CRPPA: variants seen among roughly 807,000 people sequenced by gnomAD.
CRPPA encodes the protein CDP-L-ribitol pyrophosphorylase A.
Under a neutral mutation model 52.0 loss-of-function variants are expected in CRPPA, and 43 were observed. The ratio of observed to expected loss-of-function variants is 0.83; its 90% confidence interval spans 0.65 to 1.07. The LOEUF (loss-of-function observed/expected upper bound fraction) is 1.07, where lower values mean the gene tolerates loss of function less well. Ranked by LOEUF, CRPPA falls within the 50% of genes least tolerant of loss-of-function variation. The pLI, the probability that CRPPA is intolerant of heterozygous loss-of-function variation, is 0.00. For synonymous variants in CRPPA, 250 were observed against 203.5 expected (o/e 1.23, Z -1.94); for missense variants, 629 against 551.7 (o/e 1.14, Z -1.40).
At chr7:16,387,542 A>C (rs954873909) in intron 2 of CRPPA, among the ~76,000 whole-genome samples, 1 of 149,234 alleles carries the variant, frequency 6.7e-6, no homozygotes, top group African/African-American at 2.5e-5. Flanking sequence ...ATGGATCAAA[A>C]GGCAACAACT....
chr7:16,245,591 T>C (rs1056688377), intron 8 of CRPPA, among the ~76,000 whole-genome samples: 2 of 152,168 alleles, frequency 1.3e-5, no homozygotes, highest in African/African-American at 2.4e-5. Context: ...ATTCTAGACA[T>C]AATCTAGTGA....
At chr7:16,230,104 T>G (rs1327014032) in intron 8 of CRPPA, among the ~76,000 whole-genome samples, 2 of 152,172 alleles carry the variant, frequency 1.3e-5, no homozygotes, top group Non-Finnish European at 1.5e-5. Context: ...TATTATAATA[T>G]GTCTTGGAGA....
chr7:16,123,185 T>A (rs1782510851), intron 9 of CRPPA, among the ~76,000 whole-genome samples: 1 of 152,108 alleles, frequency 6.6e-6, no homozygotes, highest in Non-Finnish European at 1.5e-5. Flanking sequence ...TGCTATAGTT[T>A]AATATGCTTG....
At chr7:16,334,079 T>C (rs68046022) in intron 3 of CRPPA, among the ~76,000 whole-genome samples, 39,759 of 151,642 alleles carry the variant, frequency 0.26, 5,252 homozygotes, top group Non-Finnish European at 0.3. Context: ...AAAAATGGGG[T>C]TGAGGGCCAC....
intron 3 of CRPPA, among the ~76,000 whole-genome samples, chr7:16,328,672 G>A (rs974118049): frequency 3.9e-5 from 6 of 151,978 alleles, no homozygotes; most frequent in Non-Finnish European, 7.4e-5. Context: ...ATGCCACCAC[G>A]CCCGGTTAAT....
At chr7:16,214,928 G>C (rs17169354) in intron 9 of CRPPA, among the ~76,000 whole-genome samples, 1 of 152,130 alleles carries the variant, frequency 6.6e-6, no homozygotes, top group Non-Finnish European at 1.5e-5. Context: ...GCCTCCTACA[G>C]CATTAACATT....
intron 9 of CRPPA, among the ~76,000 whole-genome samples, chr7:16,102,684 G>A (rs1023364487): frequency 1.1e-4 from 17 of 152,116 alleles, no homozygotes; most frequent in African/African-American, 3.6e-4. Flanking sequence ...AGACATTTAC[G>A]TGACCAACAA....
At chr7:16,225,478 T>G (rs543824533) in intron 8 of CRPPA, among the ~76,000 whole-genome samples, 1 of 152,088 alleles carries the variant, frequency 6.6e-6, no homozygotes, top group Non-Finnish European at 1.5e-5. Flanking sequence ...AAGCATTGAT[T>G]TGTTTAGCTA....
intron 3 of CRPPA, among the ~76,000 whole-genome samples, chr7:16,354,927 C>A (rs905177593): frequency 6.6e-6 from 1 of 152,058 alleles, no homozygotes; most frequent in Non-Finnish European, 1.5e-5. Context: ...ATGAAAACCA[C>A]ACAAATAAAG....
chr7:16,119,691 A>G (rs919879381), intron 9 of CRPPA, among the ~76,000 whole-genome samples: 23 of 152,342 alleles, frequency 1.5e-4, no homozygotes, highest in African/African-American at 5.5e-4. Flanking sequence ...CACTATATTC[A>G]CCAGAAAATA....
intron 9 of CRPPA, among the ~76,000 whole-genome samples, chr7:16,154,292 T>G (rs1303444732): frequency 1.6e-4 from 24 of 152,100 alleles, no homozygotes; most frequent in Non-Finnish European, 2.9e-5. Context: ...GAGGTATACG[T>G]GTGCCACGGT....
chr7:16,094,682 A>T (rs1220714599), intron 9 of CRPPA, among the ~76,000 whole-genome samples: 2 of 152,116 alleles, frequency 1.3e-5, no homozygotes, highest in African/African-American at 4.8e-5. Flanking sequence ...GGTCCATATG[A>T]ACAGTGAAAA....
intron 3 of CRPPA, among the ~76,000 whole-genome samples, chr7:16,334,297 C>A (rs967742986): frequency 1.3e-5 from 2 of 152,124 alleles, no homozygotes; most frequent in Non-Finnish European, 2.9e-5. Flanking sequence ...CCACCTAATC[C>A]TAGTAATAGA....
At chr7:16,421,010 G>A (rs1228657303) in intron 1 of CRPPA, 56 bp downstream of exon 1, 3 of 1,252,610 alleles carry the variant, frequency 2.4e-6, no homozygotes, top group Non-Finnish European at 2.0e-6. Context: ...GCGGCAGGGC[G>A]GGGAGCGGGA....
At chr7:16,270,063 T>C (rs933558779) in intron 6 of CRPPA, 6 of 152,210 alleles carry the variant, frequency 3.9e-5, no homozygotes, top group African/African-American at 1.4e-4. Context: ...TGTACGGATT[T>C]TCCTTCTAAA....
At chr7:16,290,519 T>G (rs915919136) in intron 5 of CRPPA, among the ~76,000 whole-genome samples, 1 of 152,092 alleles carries the variant, frequency 6.6e-6, no homozygotes, top group Non-Finnish European at 1.5e-5. Context: ...CAACTGATTT[T>G]CAACAAAGGT....
At chr7:16,124,570 G>T (rs1207390585) in intron 9 of CRPPA, among the ~76,000 whole-genome samples, 1 of 152,090 alleles carries the variant, frequency 6.6e-6, no homozygotes, top group African/African-American at 2.4e-5. Flanking sequence ...GTTACTAGTG[G>T]CTGGGATCTA....
Position 16,141,236 on chromosome 7 carries a change from A to G in CRPPA, c.1252-49437T>C, listed in dbSNP as rs147022414. ...TGTATTTGAGCACCCCAAAACCCCT[A>G]TATCTTCCTAAATCCTTTATAGGAA... On this transcript the variant is annotated intron_variant, in intron 9 of 9. Transcript: ENST00000407010. Among the ~76,000 whole-genome samples the G allele has an allele frequency of 5.9e-5, 9 of 152,308 alleles. No homozygotes were observed. The East Asian group carries it at 1.7e-3, about 29-fold the overall frequency.
chr7:16,400,054 G>A (rs1241717777), intron 2 of CRPPA, among the ~76,000 whole-genome samples: 1 of 152,126 alleles, frequency 6.6e-6, no homozygotes, highest in South Asian at 2.1e-4. Context: ...CACAACACGT[G>A]ATTGGCACGT....
Sources: allele counts gnomAD v4.1 joint callset (sites outside exome capture counted in the v4.1 genomes callset), GRCh38; gene constraint gnomAD v4.1.1; transcripts MANE v1.5; gene names NCBI Gene and HGNC (gene_info 2026-07-23, HGNC 2026-07-21).